The following ZBTB20 variants were observed in gnomAD, a reference collection of about 807,000 sequenced individuals.
ZBTB20 encodes the protein zinc finger and BTB domain-containing protein 20.
A neutral mutation model predicts 56.9 loss-of-function variants in ZBTB20; 9 were observed. The ratio of observed to expected loss-of-function variants is 0.16; its 90% CI spans 0.10 to 0.28. The LOEUF (loss-of-function observed/expected upper bound fraction) is 0.28, where lower values mean the gene tolerates loss of function less well. Among genes scored for constraint, ZBTB20 ranks in the 10% least tolerant of loss-of-function variants. The pLI is 1.00. For synonymous variants in ZBTB20, 417 were observed against 420.7 expected (o/e 0.99, Z 0.11); for missense variants, 655 against 1,003.0 (o/e 0.65, Z 4.69).
At chr3:114,888,696 T>C (rs1333582381) in intron 4 of ZBTB20, among the ~76,000 whole-genome samples, 1 of 152,158 alleles carries the variant, frequency 6.6e-6, no homozygotes, top group Non-Finnish European at 1.5e-5. Flanking sequence ...AAGACCCTAA[T>C]AAGTATACAG....
chr3:114,750,511 G>T (rs1233004254), intron 5 of ZBTB20, among the ~76,000 whole-genome samples: 1 of 152,156 alleles, frequency 6.6e-6, no homozygotes, highest in African/African-American at 2.4e-5. Flanking sequence ...TAAGTAGTAC[G>T]ATCCAAGGTG....
intron 1 of ZBTB20, among the ~76,000 whole-genome samples, chr3:115,095,784 A>C (rs1489117936): frequency 6.6e-6 from 1 of 152,178 alleles, no homozygotes; most frequent in Non-Finnish European, 1.5e-5. Context: ...TTATTTGATG[A>C]TTAATGTATA....
At chr3:114,423,741 A>C (rs2089397337) in intron 7 of ZBTB20, among the ~76,000 whole-genome samples, 1 of 152,234 alleles carries the variant, frequency 6.6e-6, no homozygotes, top group South Asian at 2.1e-4. Context: ...TATGAAATAC[A>C]TTTGATCCCT....
At chr3:114,409,812 T>G (rs1260809563) in intron 7 of ZBTB20, among the ~76,000 whole-genome samples, 2 of 152,170 alleles carry the variant, frequency 1.3e-5, no homozygotes, top group African/African-American at 4.8e-5. Context: ...ATTTCATAAG[T>G]TATAGAATTA....
intron 10 of ZBTB20, 135 bp from the exon 11 acceptor site, chr3:114,352,013 T>A: frequency 8.9e-7 from 1 of 1,125,336 alleles, no homozygotes. Context: ...AGTGGGGAGA[T>A]GGACAGGCTG....
intron 6 of ZBTB20, among the ~76,000 whole-genome samples, chr3:114,625,646 C>T (rs532850237): frequency 2.0e-5 from 3 of 152,030 alleles, no homozygotes; most frequent in Non-Finnish European, 2.9e-5. Flanking sequence ...AAGAGAGTTA[C>T]CAGTTAATGA....
chr3:114,861,261 C>G (rs544716169), intron 4 of ZBTB20, among the ~76,000 whole-genome samples: 1 of 151,904 alleles, frequency 6.6e-6, no homozygotes, highest in Admixed American at 6.6e-5. Flanking sequence ...TATTTTTTTC[C>G]GGAAATTATG....
chr3:114,814,013 G>C (rs1440606283), intron 4 of ZBTB20, among the ~76,000 whole-genome samples: 2 of 151,766 alleles, frequency 1.3e-5, no homozygotes, highest in Non-Finnish European at 2.9e-5. Context: ...TATTTATCTT[G>C]ATATTTACAT....
At chr3:114,737,236 T>C (rs917342090) in intron 5 of ZBTB20, among the ~76,000 whole-genome samples, 1 of 152,216 alleles carries the variant, frequency 6.6e-6, no homozygotes, top group African/African-American at 2.4e-5. Context: ...TGAAATATAT[T>C]TAATGTAGAG....
At chr3:114,380,172 A>G (rs773543110) in intron 10 of ZBTB20, 45 bp downstream of exon 10, 5 of 1,485,198 alleles carry the variant, frequency 3.4e-6, no homozygotes, top group Non-Finnish European at 4.5e-6. Context: ...TAGAAGCACT[A>G]CTCCAAGCAC....
At chr3:114,859,296 CTTCT>C (rs1247360277) in intron 4 of ZBTB20, among the ~76,000 whole-genome samples, 2 of 135,260 alleles carry the variant, frequency 1.5e-5, no homozygotes, top group Admixed American at 8.1e-5. Context: ...TTCTTCCTTC[CTTCT>C]TTCCTTCCTT....
At chr3:115,056,558 T>C (rs2081791707) in intron 2 of ZBTB20, among the ~76,000 whole-genome samples, 1 of 152,140 alleles carries the variant, frequency 6.6e-6, no homozygotes, top group South Asian at 2.1e-4. Flanking sequence ...ACAAGTTAGC[T>C]TATAGAATAA....
intron 6 of ZBTB20, among the ~76,000 whole-genome samples, chr3:114,673,212 C>G (rs758338654): frequency 5.3e-5 from 8 of 152,090 alleles, no homozygotes; most frequent in Admixed American, 4.6e-4. Context: ...GCCATGCCAA[C>G]AGCATTCTTC....
At chr3:114,808,821 C>A (rs1266714285) in intron 4 of ZBTB20, among the ~76,000 whole-genome samples, 1 of 152,000 alleles carries the variant, frequency 6.6e-6, no homozygotes. Flanking sequence ...TTTATCATTT[C>A]ATTTCCACTT....
intron 5 of ZBTB20, among the ~76,000 whole-genome samples, chr3:114,757,325 T>C (rs1156628002): frequency 6.6e-6 from 1 of 152,184 alleles, no homozygotes; most frequent in Non-Finnish European, 1.5e-5. Flanking sequence ...GTCAAAAAGG[T>C]GGAATAATAC....
chr3:115,011,308 T>C (rs1446701821), intron 2 of ZBTB20, among the ~76,000 whole-genome samples: 2 of 151,826 alleles, frequency 1.3e-5, no homozygotes, highest in East Asian at 3.9e-4. Flanking sequence ...GAGAAGGTTA[T>C]AGAATGCCAA....
chr3:114,765,164 T>C lies in ZBTB20; in HGVS notation c.-343+35937A>G, dbSNP rs150331318. 5.9e-3 allele frequency among the ~76,000 whole-genome samples: 898 copies of C among 152,278 alleles called. 9 individuals carry two copies. The highest frequency in any genetic ancestry group is 0.029 in the South Asian group (142 of 4,826). ...CTATTATTGAGTCCTGCAGAAATCA[T>C]TGTGGTAAAGCTCTGCACAAAAAAT... On this transcript the variant is annotated intron_variant, in intron 5 of 11. Coordinates refer to ENST00000675478, the MANE Select transcript of ZBTB20 (RefSeq NM_001348800.3).
intron 1 of ZBTB20, among the ~76,000 whole-genome samples, chr3:115,122,673 T>G (rs145919727): frequency 6.6e-6 from 1 of 152,090 alleles, no homozygotes; most frequent in Non-Finnish European, 1.5e-5. Context: ...ATGAAGACTT[T>G]CTATATATTA....
chr3:114,343,698 A>G (rs185354055), intron 11 of ZBTB20, among the ~76,000 whole-genome samples: 118 of 152,362 alleles, frequency 7.7e-4, no homozygotes, highest in African/African-American at 2.6e-3. Context: ...ATGGAATCAT[A>G]TGGAGCTTTT....
Sources: allele counts gnomAD v4.1 joint callset (sites outside exome capture counted in the v4.1 genomes callset), GRCh38; gene constraint gnomAD v4.1.1; transcripts MANE v1.5; gene names NCBI Gene and HGNC (gene_info 2026-07-23, HGNC 2026-07-21).